Variants in ALDH1L2 observed in about 807,000 individuals in gnomAD.
ALDH1L2 encodes aldehyde dehydrogenase 1 family member L2, also known as mitochondrial 10-formyltetrahydrofolate dehydrogenase.
In ALDH1L2, 91 loss-of-function variants were observed where a neutral mutation model predicts 111.0. The observed-to-expected ratio is 0.82, with a 90% CI of 0.69 to 0.98. The LOEUF (loss-of-function observed/expected upper bound fraction) is 0.98. ALDH1L2 is among the 50% of genes least tolerant of loss of function. ALDH1L2 has a pLI of 0.00. For missense variants in ALDH1L2, 995 were observed against 1,126.8 expected (o/e 0.88, Z 1.67); for synonymous variants, 374 against 392.6 (o/e 0.95, Z 0.56).
rs1413790256 is a variant in ALDH1L2 at position 105,022,897 on chromosome 12, GA to G, written c.*1526del. ...TCCCTAAGGCTTCTTCAAAGCCAAAGAAAAAGGAATGTTTACTGAAATTTTA... is the reference window on the plus strand; with the variant it reads ...TCCCTAAGGCTTCTTCAAAGCCAAAGAAAAGGAATGTTTACTGAAATTTTA... On this transcript the variant is annotated 3_prime_UTR_variant, in exon 23 of 23. Transcript: ENST00000258494. 2 of 152,052 alleles carry G rather than the reference GA, an allele frequency of 1.3e-5. No homozygotes were observed. The highest frequency in any genetic ancestry group is 4.8e-5 in the African/African-American group (2 of 41,428). 9.4% of individuals were successfully genotyped at this position (152,052 alleles called of 1,614,324 possible).
At chr12:105,055,835 A>G (rs150130721) in intron 10 of ALDH1L2, among the ~76,000 whole-genome samples, 1 of 152,300 alleles carries the variant, frequency 6.6e-6, no homozygotes, top group East Asian at 1.9e-4. Context: ...AGCAAATTCA[A>G]GAAGGTGAAA....
chr12:105,035,187 T>C (rs1196752081), intron 18 of ALDH1L2, among the ~76,000 whole-genome samples: 1 of 151,484 alleles, frequency 6.6e-6, no homozygotes, highest in African/African-American at 2.4e-5. Context: ...ACACCTGGGC[T>C]TAAGCAATCC....
At chr12:105,067,568 C>T (rs1179044296) in intron 4 of ALDH1L2, among the ~76,000 whole-genome samples, 1 of 152,098 alleles carries the variant, frequency 6.6e-6, no homozygotes, top group Non-Finnish European at 1.5e-5. Flanking sequence ...AGCTTGATTG[C>T]CTTTGGGAGG....
intron 16 of ALDH1L2, 83 bp downstream of exon 16, chr12:105,040,524 C>T: frequency 1.7e-6 from 2 of 1,210,292 alleles, no homozygotes; most frequent in East Asian, 2.3e-5. Context: ...TAATTCAGGA[C>T]AAGTCTCTAG....
intron 1 of ALDH1L2, among the ~76,000 whole-genome samples, chr12:105,075,809 G>T (rs1411089056): frequency 1.3e-5 from 2 of 152,064 alleles, no homozygotes; most frequent in Non-Finnish European, 2.9e-5. Flanking sequence ...TTGAGACAGG[G>T]TTTCACTCCA....
intron 21 of ALDH1L2, among the ~76,000 whole-genome samples, chr12:105,028,508 G>A (rs1308350775): frequency 6.6e-6 from 1 of 152,202 alleles, no homozygotes; most frequent in Non-Finnish European, 1.5e-5. Context: ...AGACAGTACA[G>A]GTTTCAGTGT....
At chr12:105,056,533 CTCTA>C (rs1266625671) in intron 10 of ALDH1L2, among the ~76,000 whole-genome samples, 4 of 151,810 alleles carry the variant, frequency 2.6e-5, no homozygotes, top group Admixed American at 6.6e-5. Context: ...TATTTTTTAA[CTCTA>C]TCTCATTAAA....
chr12:105,066,094 A>G (rs887281380), intron 5 of ALDH1L2, among the ~76,000 whole-genome samples: 2 of 152,108 alleles, frequency 1.3e-5, no homozygotes, highest in African/African-American at 4.8e-5. Flanking sequence ...GATTACAGGC[A>G]TGAGCCACTG....
chr12:105,072,095 G>A (rs34891908), intron 2 of ALDH1L2, among the ~76,000 whole-genome samples: 1 of 148,758 alleles, frequency 6.7e-6, no homozygotes, highest in African/African-American at 2.5e-5. Flanking sequence ...CTAAAAAAAT[G>A]TGTTTAAGTG....
chr12:105,055,071 A>G (rs181133611), intron 10 of ALDH1L2, among the ~76,000 whole-genome samples: 103 of 152,344 alleles, frequency 6.8e-4, no homozygotes, highest in African/African-American at 2.4e-3. Flanking sequence ...CAGAAGACCA[A>G]TATACAAGCA....
chr12:105,038,422 C>T (rs1410939277), intron 17 of ALDH1L2, among the ~76,000 whole-genome samples: 1 of 151,960 alleles, frequency 6.6e-6, no homozygotes, highest in East Asian at 1.9e-4. Context: ...TCACAACTGT[C>T]TGGGAGACCA....
chr12:105,046,218 TATA>T (rs1418815129), intron 15 of ALDH1L2, among the ~76,000 whole-genome samples: 21 of 46,724 alleles, frequency 4.5e-4, no homozygotes, highest in African/African-American at 9.9e-4. Context: ...TATATATATA[TATA>T]TTTTTTTTTT....
At chr12:105,043,343 A>G (rs1211180135) in intron 15 of ALDH1L2, among the ~76,000 whole-genome samples, 1 of 152,256 alleles carries the variant, frequency 6.6e-6, no homozygotes, top group Admixed American at 6.5e-5. Context: ...AAACTGCACA[A>G]TAAATAATAA....
rs1428752494 is a variant in ALDH1L2, at chr12:105,038,153, A to G, written c.2095T>C (p.Ser699Pro). Reference sequence around the variant, plus strand: ...CAGTCATTAAATATTATAAGTGGAGACTTGCCACCAAGCTCAAGGGAAACT... The same window carrying G: ...CAGTCATTAAATATTATAAGTGGAGGCTTGCCACCAAGCTCAAGGGAAACT... ...KKVSLELGGK[S>P]PLIIFNDCEL... Residue 699 changes from serine to proline, a missense_variant, in exon 18 of 23, where the codon TCT becomes CCT. By Grantham distance (74) the Ser-to-Pro change is moderately conservative (BLOSUM62 -1). Transcript: ENST00000258494. 1 of 1,613,498 alleles carries G rather than the reference A, an allele frequency of 6.2e-7. No homozygotes were observed. Among genetic ancestry groups the G allele is most frequent in the Non-Finnish European group, 8.5e-7 (1 of 1,179,770 alleles).
chr12:105,032,244 C>G (rs918932847), intron 19 of ALDH1L2, among the ~76,000 whole-genome samples: 2 of 132,960 alleles, frequency 1.5e-5, no homozygotes, highest in Non-Finnish European at 3.1e-5. Context: ...ATGGTGTGAT[C>G]TTGGCTCACT....
At chr12:105,038,279 AACACACAC>A (rs555214940) in intron 17 of ALDH1L2, 77 bp from the exon 18 acceptor site, 16,260 of 244,188 alleles carry the variant, frequency 0.067, 208 homozygotes, top group Admixed American at 0.089. Context: ...CACACACACA[AACACACAC>A]ACACACACAC....
intron 10 of ALDH1L2, among the ~76,000 whole-genome samples, chr12:105,055,021 A>G (rs1459899226): frequency 6.6e-6 from 1 of 152,252 alleles, no homozygotes; most frequent in African/African-American, 2.4e-5. Flanking sequence ...TGAGATATCC[A>G]TAAGAGGCAT....
In ALDH1L2 at chr12:105,074,457, C is replaced by CAAAAAAAAAAAAAAAAAAAAAAAAAAAA. The variant is rs1565974203; in HGVS notation, c.49-453_49-452insTTTTTTTTTTTTTTTTTTTTTTTTTTTT. Among the ~76,000 whole-genome samples the CAAAAAAAAAAAAAAAAAAAAAAAAAAAA allele has an allele frequency of 1.4e-4, 13 of 93,672 alleles. 1 individual carries two copies. Among genetic ancestry groups the CAAAAAAAAAAAAAAAAAAAAAAAAAAAA allele is most frequent in the African/African-American group, 3.3e-4 (5 of 14,958 alleles). The allele number at this position is 93,672 out of a possible 152,430, so 61.5% of individuals were successfully genotyped here. Reference sequence around the variant, plus strand: ...TGAGTGACAGAGCAAGACTCTGTCTCCAAAAAAAAAAAAAAAAAAAAAAAA... The same window carrying CAAAAAAAAAAAAAAAAAAAAAAAAAAAA: ...TGAGTGACAGAGCAAGACTCTGTCTCAAAAAAAAAAAAAAAAAAAAAAAAAAAACAAAAAAAAAAAAAAAAAAAAAAAA... On this transcript the variant is annotated intron_variant, in intron 1 of 22. Transcript: ENST00000258494.
At position 105,021,638 on chromosome 12, in the gene ALDH1L2, G is replaced by A. The variant is rs897520768; in HGVS notation, c.*2786C>T. ...GGGGTAGAGGTAGTAAGAAAAGCAC[G>A]TTGATTTCTTCATTTTTTTCAGAGA... is the stretch of plus-strand genomic sequence containing the variant. On this transcript the variant is annotated 3_prime_UTR_variant, in exon 23 of 23. Transcript: ENST00000258494. The A allele has an allele frequency of 9.9e-5, 15 of 151,816 alleles. No individual in the cohort carries two copies. Among genetic ancestry groups the A allele is most frequent in the East Asian group, 3.9e-4 (2 of 5,184 alleles). The allele number at this position is 151,816 out of a possible 1,614,324, so 9.4% of individuals were successfully genotyped here. A position where few individuals can be genotyped will look rare whatever the true frequency, so the allele number is the denominator to read the frequency against.
Sources: allele counts gnomAD v4.1 joint callset (sites outside exome capture counted in the v4.1 genomes callset), GRCh38; gene constraint gnomAD v4.1.1; transcripts MANE v1.5; gene names NCBI Gene and HGNC (gene_info 2026-07-23, HGNC 2026-07-21).